SGCZ: variants seen among roughly 807,000 people sequenced by gnomAD.
SGCZ encodes zeta-sarcoglycan.
A neutral mutation model predicts 41.3 loss-of-function variants in SGCZ; 40 were observed. The ratio of observed to expected loss-of-function variants is 0.97; its 90% CI spans 0.75 to 1.26. The LOEUF (loss-of-function observed/expected upper bound fraction) is 1.26, where lower values mean the gene tolerates loss of function less well. Among genes scored for constraint, SGCZ ranks in the 50% most tolerant of loss-of-function variants. The pLI, the probability that SGCZ is intolerant of heterozygous loss-of-function variation, is 0.00. For synonymous variants in SGCZ, 206 were observed against 137.5 expected (o/e 1.50, Z -3.49); for missense variants, 552 against 369.8 (o/e 1.49, Z -4.04).
chr8:14,995,607 G>T (rs1436588374), intron 1 of SGCZ, among the ~76,000 whole-genome samples: 1 of 152,126 alleles, frequency 6.6e-6, no homozygotes, highest in East Asian at 1.9e-4. Flanking sequence ...TAATGCACAG[G>T]GAATGCAATG....
intron 4 of SGCZ, among the ~76,000 whole-genome samples, chr8:14,199,653 C>A (rs946946634): frequency 3.3e-5 from 5 of 152,058 alleles, no homozygotes; most frequent in African/African-American, 1.2e-4. Flanking sequence ...AAATTTCACT[C>A]TTTTGTACTC....
At chr8:14,316,257 A>G (rs902556134) in intron 3 of SGCZ, among the ~76,000 whole-genome samples, 2 of 152,026 alleles carry the variant, frequency 1.3e-5, no homozygotes, top group Non-Finnish European at 2.9e-5. Flanking sequence ...CCTAGAACTG[A>G]GCATATGCAA....
At chr8:14,738,048 A>T (rs749975038) in intron 1 of SGCZ, among the ~76,000 whole-genome samples, 31 of 152,054 alleles carry the variant, frequency 2.0e-4, no homozygotes, top group Non-Finnish European at 3.7e-4. Flanking sequence ...TCTCACATAT[A>T]AATCCTGGCG....
intron 2 of SGCZ, among the ~76,000 whole-genome samples, chr8:14,381,209 T>G (rs1051424567): frequency 3.3e-5 from 5 of 152,238 alleles, no homozygotes; most frequent in Admixed American, 2.0e-4. Flanking sequence ...ATTCTAATGT[T>G]TTTGGCCAGA....
At chr8:14,402,481 G>GA (rs1799105182) in intron 2 of SGCZ, among the ~76,000 whole-genome samples, 1 of 151,096 alleles carries the variant, frequency 6.6e-6, no homozygotes, top group South Asian at 2.1e-4. Context: ...TGTAAGGAAG[G>GA]GATCCAGTTT....
chr8:14,181,084 T>C (rs1241903540), intron 4 of SGCZ, among the ~76,000 whole-genome samples: 4 of 152,098 alleles, frequency 2.6e-5, no homozygotes, highest in Non-Finnish European at 4.4e-5. Context: ...TGTGTGATAG[T>C]CTAAGCCAGG....
intron 4 of SGCZ, among the ~76,000 whole-genome samples, chr8:14,204,180 G>A (rs1014650727): frequency 1.3e-5 from 2 of 151,980 alleles, no homozygotes. Context: ...GGAAAATGGG[G>A]CATAAAACGA....
chr8:14,674,867 C>G (rs369094135), intron 1 of SGCZ, among the ~76,000 whole-genome samples: 3 of 151,174 alleles, frequency 2.0e-5, no homozygotes, highest in Non-Finnish European at 4.4e-5. Context: ...TGAGGCCTCC[C>G]CAGAAGCAGA....
intron 4 of SGCZ, among the ~76,000 whole-genome samples, chr8:14,169,207 T>A (rs2116995372): frequency 6.6e-6 from 1 of 152,278 alleles, no homozygotes; most frequent in Admixed American, 6.5e-5. Flanking sequence ...TTTTTGCTAA[T>A]GATGTATAAC....
intron 2 of SGCZ, among the ~76,000 whole-genome samples, chr8:14,463,740 T>C (rs1267742736): frequency 6.6e-6 from 1 of 151,730 alleles, no homozygotes; most frequent in Non-Finnish European, 1.5e-5. Context: ...AACCATTAAA[T>C]TGATGTTTGC....
At chr8:14,930,233 A>G (rs1483432475) in intron 1 of SGCZ, among the ~76,000 whole-genome samples, 1 of 152,114 alleles carries the variant, frequency 6.6e-6, no homozygotes, top group Non-Finnish European at 1.5e-5. Context: ...AAACATATGA[A>G]AAAAAGCTCA....
intron 5 of SGCZ, among the ~76,000 whole-genome samples, chr8:14,108,750 C>T (rs936932314): frequency 6.6e-6 from 1 of 152,096 alleles, no homozygotes; most frequent in Non-Finnish European, 1.5e-5. Flanking sequence ...TATCACCAGG[C>T]AGGGAAGAGT....
intron 1 of SGCZ, among the ~76,000 whole-genome samples, chr8:14,606,195 T>G (rs1397279): frequency 6.6e-6 from 1 of 151,968 alleles, no homozygotes; most frequent in African/African-American, 2.4e-5. Context: ...TTGTACATAT[T>G]GCCCCATGAC....
At chr8:14,151,954 C>T (rs563952495) in intron 5 of SGCZ, among the ~76,000 whole-genome samples, 3 of 152,000 alleles carry the variant, frequency 2.0e-5, no homozygotes, top group African/African-American at 7.2e-5. Flanking sequence ...ATATCATAGA[C>T]TTTAATGTAA....
At chr8:14,199,908 A>C (rs996066578) in intron 4 of SGCZ, among the ~76,000 whole-genome samples, 2 of 152,206 alleles carry the variant, frequency 1.3e-5, no homozygotes, top group Non-Finnish European at 2.9e-5. Context: ...GGAAAAATAA[A>C]ATTTGATACT....
At chr8:14,929,198 G>C (rs1033028820) in intron 1 of SGCZ, among the ~76,000 whole-genome samples, 1 of 151,968 alleles carries the variant, frequency 6.6e-6, no homozygotes, top group Non-Finnish European at 1.5e-5. Flanking sequence ...TCACCATATT[G>C]GCCAGGCTGG....
intron 1 of SGCZ, among the ~76,000 whole-genome samples, chr8:15,066,850 T>C (rs1025639076): frequency 7.2e-5 from 11 of 152,168 alleles, no homozygotes; most frequent in Non-Finnish European, 1.5e-4. Context: ...AGTATTATAG[T>C]TGGAAAGCAA....
chr8:14,656,558 T>G (rs1807583449), intron 1 of SGCZ, among the ~76,000 whole-genome samples: 1 of 148,408 alleles, frequency 6.7e-6, no homozygotes, highest in Admixed American at 6.8e-5. Flanking sequence ...TTTCTTTTTC[T>G]TTCTTTTCCT....
chr8:14,371,821 G>T (rs1271022401), intron 2 of SGCZ, among the ~76,000 whole-genome samples: 1 of 152,060 alleles, frequency 6.6e-6, no homozygotes, highest in Non-Finnish European at 1.5e-5. Context: ...TTGTACACAT[G>T]TATAAATAAG....
Sources: gnomAD v4.1 joint callset for allele counts (sites outside exome capture counted in the v4.1 genomes callset) on GRCh38, gnomAD v4.1.1 for gene constraint, MANE v1.5 for transcripts, NCBI Gene and HGNC (gene_info 2026-07-23, HGNC 2026-07-21) for gene names.